Variants in TMCO1 observed in about 807,000 individuals in gnomAD.
TMCO1 encodes the protein transmembrane and coiled-coil domains 1.
In TMCO1, 29 loss-of-function variants were observed where a neutral mutation model predicts 29.3. That is an observed-to-expected ratio of 0.99 (90% confidence interval 0.74 to 1.35). TMCO1 has a LOEUF of 1.35. Among genes scored for constraint, TMCO1 ranks in the 40% most tolerant of loss-of-function variants. The pLI is 0.00. For synonymous variants in TMCO1, 80 were observed against 77.1 expected, an observed-to-expected ratio of 1.04 and a Z score of -0.20; for missense variants, 173 against 225.5, an observed-to-expected ratio of 0.77 and a Z score of 1.49.
At chr1:165,732,425 C>G (rs935229488) in intron 6 of TMCO1, among the ~76,000 whole-genome samples, 1 of 134,698 alleles carries the variant, frequency 7.4e-6, no homozygotes, top group African/African-American at 2.8e-5. Flanking sequence ...AATCGTGTAA[C>G]AGGCCTATTT....
At chr1:165,739,345 G>A (rs1177304767) in intron 6 of TMCO1, among the ~76,000 whole-genome samples, 1 of 151,948 alleles carries the variant, frequency 6.6e-6, no homozygotes, top group Admixed American at 6.6e-5. Flanking sequence ...CACATTTTTA[G>A]AAATAATTAA....
chr1:165,758,986 C>T (rs1652299823), intron 3 of TMCO1, among the ~76,000 whole-genome samples: 1 of 152,070 alleles, frequency 6.6e-6, no homozygotes, highest in African/African-American at 2.4e-5. Flanking sequence ...TGTATAAAAA[C>T]AAATCATATA....
intron 5 of TMCO1, among the ~76,000 whole-genome samples, chr1:165,749,459 T>G (rs1325559651): frequency 6.6e-6 from 1 of 152,202 alleles, no homozygotes; most frequent in Non-Finnish European, 1.5e-5. Flanking sequence ...TTAGTAAAGT[T>G]GGAAACCAAA....
intron 5 of TMCO1, among the ~76,000 whole-genome samples, chr1:165,748,269 AGGCTTCTGAGGATGGCTAACTTAACAATG>A (rs1374481414): frequency 1.3e-5 from 2 of 152,238 alleles, no homozygotes; most frequent in Non-Finnish European, 2.9e-5. Context: ...AATGAGTAAC[AGGCTTCTGAGGATGGCTAACTTAACAATG>A]TTGGATAGAG....
chr1:165,763,206 C>A lies in TMCO1; in HGVS notation c.149-3622G>T, dbSNP rs553885448. 6.6e-5 allele frequency among the ~76,000 whole-genome samples: 10 copies of A among 152,302 alleles called. No individual in the cohort carries two copies. The South Asian group carries it at 1.5e-3, about 22-fold the overall frequency. On this transcript the variant is annotated intron_variant, in intron 2 of 6. Coordinates refer to ENST00000367881, the MANE Select transcript of TMCO1 (RefSeq NM_019026.6). ...CCCTTGCTTAAATTCATACTACGTTCTGAATACAAAGTATCAGAAGGAATT... is the reference window on the plus strand; with the variant it reads ...CCCTTGCTTAAATTCATACTACGTTATGAATACAAAGTATCAGAAGGAATT...
chr1:165,724,882 A>G (rs1395427776), downstream of TMCO1: 1 of 453,868 alleles, frequency 2.2e-6, no homozygotes, highest in Non-Finnish European at 4.4e-6. Context: ...AAAATAATAC[A>G]GAAAGGGCAG....
chr1:165,725,045 TATAA>T (rs778102881), downstream of TMCO1: 9,838 of 238,584 alleles, frequency 0.041, 332 homozygotes, highest in South Asian at 0.057. Context: ...TATATATATA[TATAA>T]AATAGTGTAT....
intron 6 of TMCO1, among the ~76,000 whole-genome samples, chr1:165,740,036 A>C (rs113299150): frequency 0.013 from 2,007 of 151,694 alleles, 53 homozygotes; most frequent in African/African-American, 0.047. Context: ...CACTTGAACC[A>C]GGGAGGCGGA....
chr1:165,725,083 A>G, downstream of TMCO1: 1 of 398,860 alleles, frequency 2.5e-6, no homozygotes, highest in Non-Finnish European at 4.7e-6. Flanking sequence ...TATTTTTGAG[A>G]TTTTTCATTC....
Position 165,768,787 on chromosome 1 carries a change from G to T in TMCO1, c.-36C>A. ...CGTCTCTGCACTCTCACCCGCCAGG[G>T]GGAAAGCGCTCTACAGCCAGGAAAA... On this transcript the variant is annotated 5_prime_UTR_variant, in exon 1 of 7. Coordinates refer to ENST00000367881, the MANE Select transcript of TMCO1 (RefSeq NM_019026.6). 6.2e-7 allele frequency: 1 copy of T among 1,613,854 alleles called. No individual in the cohort carries two copies.
intron 5 of TMCO1, among the ~76,000 whole-genome samples, chr1:165,749,077 T>G (rs1233887735): frequency 6.6e-6 from 1 of 152,224 alleles, no homozygotes; most frequent in Non-Finnish European, 1.5e-5. Context: ...TTGTTTATCC[T>G]TTCACCTACC....
chr1:165,725,341 G>C (rs1293497184), downstream of TMCO1: 3 of 453,978 alleles, frequency 6.6e-6, no homozygotes, highest in Non-Finnish European at 1.3e-5. Flanking sequence ...CCCCATTGGA[G>C]AGAATGACTT....
chr1:165,737,181 T>C (rs1390439201), intron 6 of TMCO1, among the ~76,000 whole-genome samples: 4 of 151,970 alleles, frequency 2.6e-5, no homozygotes, highest in Admixed American at 2.0e-4. Flanking sequence ...AAACAAGAAA[T>C]CTCAGGAAGG....
Position 165,740,357 on chromosome 1 carries a change from C to A in TMCO1, c.468+2810G>T, listed in dbSNP as rs530739300. Among the ~76,000 whole-genome samples the A allele has an allele frequency of 3.3e-5, 5 of 151,850 alleles. No individual in the cohort carries two copies. In the East Asian group the frequency reaches 7.9e-4, roughly 24 times the overall value. The stretch of plus-strand genomic sequence containing the variant: ...CTGGGACTACGGGTGACCACCACCA[C>A]GCCCAGCTAATTTTCTTTGTATTTT... On this transcript the variant is annotated intron_variant, in intron 6 of 6. Transcript: ENST00000367881.
rs775773638 is a variant in TMCO1, at chr1:165,768,789, G to A, written c.-38C>T. On this transcript the variant is annotated 5_prime_UTR_variant, in exon 1 of 7. Transcript: ENST00000367881. Reference sequence around the variant, plus strand: ...TCTCTGCACTCTCACCCGCCAGGGGGAAAGCGCTCTACAGCCAGGAAAAGT... The same window carrying A: ...TCTCTGCACTCTCACCCGCCAGGGGAAAAGCGCTCTACAGCCAGGAAAAGT... 1.9e-5 allele frequency: 31 copies of A among 1,613,726 alleles called. No individual in the cohort carries two copies. In the African/African-American group the frequency reaches 3.7e-4, roughly 19 times the overall value.
intron 4 of TMCO1, among the ~76,000 whole-genome samples, 172 bp from the exon 5 acceptor site, chr1:165,752,341 GT>G (rs758625833): frequency 4.9e-4 from 71 of 144,620 alleles, no homozygotes; most frequent in Non-Finnish European, 8.8e-4. Context: ...TGCAAGCTCC[GT>G]CCCCCCGGGT....
intron 6 of TMCO1, among the ~76,000 whole-genome samples, chr1:165,739,393 A>G (rs1651503268): frequency 3.1e-5 from 1 of 32,322 alleles, no homozygotes; most frequent in East Asian, 6.1e-3. Context: ...AACTTCCTAA[A>G]TAATTTTTTT....
At chr1:165,731,066 A>G (rs932385306) in intron 6 of TMCO1, among the ~76,000 whole-genome samples, 2 of 151,850 alleles carry the variant, frequency 1.3e-5, no homozygotes, top group African/African-American at 4.8e-5. Flanking sequence ...TGCCCAGCTA[A>G]TTTTTTGTAT....
In TMCO1 at chr1:165,768,671, C is replaced by G; in HGVS notation, c.70+11G>C. 6.2e-7 allele frequency: 1 copy of G among 1,614,100 alleles called. No individual in the cohort carries two copies. The highest frequency in any genetic ancestry group is 8.5e-7 in the Non-Finnish European group (1 of 1,180,012). On this transcript the variant is annotated intron_variant, in intron 1 of 6. Transcript: ENST00000367881. ...GGACTGATCAAACGTCTGAGAAATA[C>G]CCGCTCTCACCCTCTGCGAGCAGAG...
Sources: gnomAD v4.1 joint callset for allele counts (sites outside exome capture counted in the v4.1 genomes callset) on GRCh38, gnomAD v4.1.1 for gene constraint, MANE v1.5 for transcripts, NCBI Gene and HGNC (gene_info 2026-07-23, HGNC 2026-07-21) for gene names.